The following IL36RN variants were observed in gnomAD, a reference collection of about 807,000 sequenced individuals.
IL36RN encodes interleukin-36 receptor antagonist protein.
A neutral mutation model predicts 13.0 loss-of-function variants in IL36RN; 11 were observed. The ratio of observed to expected loss-of-function variants is 0.85; its 90% CI spans 0.53 to 1.40. The LOEUF is 1.40. IL36RN is among the 40% of genes most tolerant of loss of function. IL36RN has a pLI of 0.00. For missense variants in IL36RN, 195 were observed against 195.3 expected (o/e 1.00, Z 0.01); for synonymous variants, 94 against 84.1 (o/e 1.12, Z -0.64).
rs1685668816 is a variant in IL36RN at position 113,062,696 on chromosome 2, A to T, written c.*19A>T. ...TGACTAGGGCAACGTGCCCCCCAGA[A>T]CTCCCTGGGCAGAGCCAGCTCGGGT... On this transcript the variant is annotated 3_prime_UTR_variant, in exon 5 of 5. Transcript: ENST00000393200. 6.2e-7 allele frequency: 1 copy of T among 1,601,220 alleles called. No homozygotes were observed. The highest frequency in any genetic ancestry group is 1.3e-5 in the African/African-American group (1 of 74,678).
intron 2 of IL36RN, among the ~76,000 whole-genome samples, chr2:113,060,196 G>T (rs1164191388): frequency 6.6e-6 from 1 of 152,092 alleles, no homozygotes; most frequent in Non-Finnish European, 1.5e-5. Context: ...GCCATGCATC[G>T]ACCCAATTTT....
chr2:113,059,504 G>A (rs376346773), intron 2 of IL36RN, 37 bp downstream of exon 2: 17 of 1,612,666 alleles, frequency 1.1e-5, no homozygotes, highest in African/African-American at 4.0e-5. Context: ...GGTGTCCTCC[G>A]GAGGAAGTGA....
chr2:113,062,742 C>A lies in IL36RN; in HGVS notation c.*65C>A. Reference sequence around the variant, plus strand: ...CGGGTGAGGGGTGAGTGGAGGAGACCCATGGCGGACAATCACTCTCTCTGC... The same window carrying A: ...CGGGTGAGGGGTGAGTGGAGGAGACACATGGCGGACAATCACTCTCTCTGC... On this transcript the variant is annotated 3_prime_UTR_variant, in exon 5 of 5. Transcript: ENST00000393200. 1 of 1,379,088 alleles carries A rather than the reference C, an allele frequency of 7.3e-7. No individual in the cohort carries two copies. The highest frequency in any genetic ancestry group is 1.0e-6 in the Non-Finnish European group (1 of 991,558). The allele number at this position is 1,379,088 out of a possible 1,614,324, so 85.4% of individuals were successfully genotyped here. A position where few individuals can be genotyped will look rare whatever the true frequency, so the allele number is the denominator to read the frequency against.
At position 113,062,526 on chromosome 2, in the gene IL36RN, G is replaced by C. The variant is rs144420774; in HGVS notation, c.317G>C (p.Gly106Ala). 1.2e-6 allele frequency: 2 copies of C among 1,613,988 alleles called. No individual in the cohort carries two copies. Among genetic ancestry groups the C allele is most frequent in the Non-Finnish European group, 1.7e-6 (2 of 1,180,024 alleles). Reference protein sequence around the residue: ...KSFTFYRRDMGLTSSFESAAY... With the variant: ...KSFTFYRRDMALTSSFESAAY... ...TTCACCTTCTACCGGCGGGACATGGGGCTCACCTCCAGCTTCGAGTCGGCT... is the reference window on the plus strand; with the variant it reads ...TTCACCTTCTACCGGCGGGACATGGCGCTCACCTCCAGCTTCGAGTCGGCT... The change falls in exon 5 of 5, where the codon GGG becomes GCG. Residue 106 changes from glycine (G) to alanine (A), a missense_variant. Coordinates refer to ENST00000393200, the MANE Select transcript of IL36RN (RefSeq NM_012275.3).
chr2:113,061,655 T>C (rs1316139124), intron 3 of IL36RN, among the ~76,000 whole-genome samples: 1 of 152,114 alleles, frequency 6.6e-6, no homozygotes, highest in Non-Finnish European at 1.5e-5. Flanking sequence ...TGTGTATATG[T>C]ATATGTGTGC....
Position 113,062,710 on chromosome 2 carries a change from G to A in IL36RN, c.*33G>A. 1 of 1,583,304 alleles carries A rather than the reference G, an allele frequency of 6.3e-7. No homozygotes were observed. On this transcript the variant is annotated 3_prime_UTR_variant, in exon 5 of 5. Coordinates refer to ENST00000393200, the MANE Select transcript of IL36RN (RefSeq NM_012275.3). ...TGCCCCCCAGAACTCCCTGGGCAGA[G>A]CCAGCTCGGGTGAGGGGTGAGTGGA... is the stretch of plus-strand genomic sequence containing the variant.
rs1057276511 is a variant in IL36RN at position 113,063,856 on chromosome 2, A to G, written c.*1179A>G. ...AAGGATCACAGCCCCTGGGATTCCA[A>G]GGCATTGGATCCAGTCTCTAAGAAG... On this transcript the variant is annotated 3_prime_UTR_variant, in exon 5 of 5. Transcript: ENST00000393200. 3 of 152,218 alleles carry G rather than the reference A, an allele frequency of 2.0e-5. No homozygotes were observed. Among genetic ancestry groups the G allele is most frequent in the Non-Finnish European group, 4.4e-5 (3 of 68,048 alleles). 9.4% of individuals were successfully genotyped at this position (152,218 alleles called of 1,614,324 possible).
chr2:113,062,318 C>T, intron 4 of IL36RN, 67 bp downstream of exon 4: 3 of 1,607,604 alleles, frequency 1.9e-6, no homozygotes, highest in Non-Finnish European at 2.6e-6. Context: ...GCCGGGCAGC[C>T]CACAGCCCTG....
In IL36RN at chr2:113,059,460, T is replaced by C. The variant is rs1451225576; in HGVS notation, c.22T>C (p.Cys8Arg). 1 of 1,613,902 alleles carries C rather than the reference T, an allele frequency of 6.2e-7. No individual in the cohort carries two copies. The highest frequency in any genetic ancestry group is 1.1e-5 in the South Asian group (1 of 91,058). Residue 8 changes from cysteine (C) to arginine (R), a missense_variant, in exon 2 of 5, where the codon TGC becomes CGC. Transcript: ENST00000393200. ...CAAGATGGTCCTGAGTGGGGCGCTG[T>C]GCTTCCGGTGAGTGTATGAGGCCCT... MVLSGAL[C>R]FRMKDSALKV...
rs28938772 is a variant in IL36RN at position 113,059,537 on chromosome 2, A to G, written c.29+70A>G. On this transcript the variant is annotated intron_variant, in intron 2 of 4. Coordinates refer to ENST00000393200, the MANE Select transcript of IL36RN (RefSeq NM_012275.3). ...TGAGTTCTGGATAGACCCGTTGTCC[A>G]GCTCTGAGCAGGAGGGAGGAAGGGA... The G allele has an allele frequency of 3.6e-4, 556 of 1,563,052 alleles. 1 individual carries two copies. The African/African-American group carries it at 6.8e-3, about 19-fold the overall frequency.
At chr2:113,058,919 C>T (rs1365032941), upstream of IL36RN, among the ~76,000 whole-genome samples, 1 of 152,088 alleles carries the variant, frequency 6.6e-6, no homozygotes, top group Non-Finnish European at 1.5e-5. Context: ...TTCCCTTGAG[C>T]TGCCATGGGC....
At chr2:113,061,825 G>T (rs1685646194) in intron 3 of IL36RN, among the ~76,000 whole-genome samples, 1 of 152,118 alleles carries the variant, frequency 6.6e-6, no homozygotes, top group African/African-American at 2.4e-5. Context: ...TTCAGAAAAA[G>T]GCCTGAGACC....
At position 113,064,256 on chromosome 2, in the gene IL36RN, G is replaced by C. The variant is rs1272535980; in HGVS notation, c.*1579G>C. The C allele has an allele frequency of 6.6e-6, 1 of 152,162 alleles. No homozygotes were observed. Among genetic ancestry groups the C allele is most frequent in the Non-Finnish European group, 1.5e-5 (1 of 68,024 alleles). The allele number at this position is 152,162 out of a possible 1,614,324, so 9.4% of individuals were successfully genotyped here. A position where few individuals can be genotyped will look rare whatever the true frequency, so the allele number is the denominator to read the frequency against. On this transcript the variant is annotated 3_prime_UTR_variant, in exon 5 of 5. Transcript: ENST00000393200. ...CTTAATCTCAGACTTCCAGCCTCCT[G>C]AACGAAGAAAGAATAAATTTCGGCT...
chr2:113,059,907 A>C (rs1430889831), intron 2 of IL36RN, among the ~76,000 whole-genome samples: 1 of 152,214 alleles, frequency 6.6e-6, no homozygotes, highest in Non-Finnish European at 1.5e-5. Flanking sequence ...GCATGTACCA[A>C]GCCAGACACT....
chr2:113,062,778 C>T lies in IL36RN; in HGVS notation c.*101C>T. 3 of 1,074,116 alleles carry T rather than the reference C, an allele frequency of 2.8e-6. No individual in the cohort carries two copies. Among genetic ancestry groups the T allele is most frequent in the Non-Finnish European group, 4.1e-6 (3 of 724,942 alleles). 66.5% of individuals were successfully genotyped at this position (1,074,116 alleles called of 1,614,324 possible). On this transcript the variant is annotated 3_prime_UTR_variant, in exon 5 of 5. Coordinates refer to ENST00000393200, the MANE Select transcript of IL36RN (RefSeq NM_012275.3). ...AATCACTCTCTCTGCTCTCAGGACC[C>T]CCACGTCTGACTTAGTGGGCACCTG...
chr2:113,062,720 G>A lies in IL36RN; in HGVS notation c.*43G>A, dbSNP rs778285629. ...AACTCCCTGGGCAGAGCCAGCTCGG[G>A]TGAGGGGTGAGTGGAGGAGACCCAT... On this transcript the variant is annotated 3_prime_UTR_variant, in exon 5 of 5. Coordinates refer to ENST00000393200, the MANE Select transcript of IL36RN (RefSeq NM_012275.3). 124 of 1,546,380 alleles carry A rather than the reference G, an allele frequency of 8.0e-5. No homozygotes were observed. The highest frequency in any genetic ancestry group is 1.7e-4 in the Middle Eastern group (1 of 5,940).
chr2:113,062,481 GT>G lies in IL36RN; in HGVS notation c.273del (p.Ala92ProfsTer80). The G allele has an allele frequency of 6.2e-7, 1 of 1,614,068 alleles. No individual in the cohort carries two copies. The highest frequency in any genetic ancestry group is 8.5e-7 in the Non-Finnish European group (1 of 1,180,012). On this transcript the variant is annotated frameshift_variant, in exon 5 of 5. Coordinates refer to ENST00000393200, the MANE Select transcript of IL36RN (RefSeq NM_012275.3). LOFTEE classifies it low-confidence loss of function (END_TRUNC). ...EPVNIMELYL[G>X]AKESKSFTFY... Reference sequence around the variant, plus strand: ...GTGAACATCATGGAGCTCTATCTTGGTGCCAAGGAATCCAAGAGCTTCACCT... The same window carrying G: ...GTGAACATCATGGAGCTCTATCTTGGGCCAAGGAATCCAAGAGCTTCACCT...
intron 3 of IL36RN, 98 bp downstream of exon 3, chr2:113,061,035 G>GCCTACA (rs754654142): frequency 4.4e-6 from 4 of 907,440 alleles, no homozygotes; most frequent in Non-Finnish European, 7.3e-6. Flanking sequence ...ATTAGCATAG[G>GCCTACA]CCTACAGAGC....
In IL36RN at chr2:113,062,203, C is replaced by T. The variant is rs531711978; in HGVS notation, c.195C>T (p.Ser65=). The T allele has an allele frequency of 1.9e-6, 3 of 1,614,082 alleles. No individual in the cohort carries two copies. Among genetic ancestry groups the T allele is most frequent in the East Asian group, 4.5e-5 (2 of 44,874 alleles). Residue 65 remains serine, a synonymous_variant, in exon 4 of 5, where the codon AGC becomes AGT. Coordinates refer to ENST00000393200, the MANE Select transcript of IL36RN (RefSeq NM_012275.3). ...SPVILGVQGG[S]QCLSCGVGQE... is the part of the protein sequence containing the mutation. ...TCATCCTGGGTGTCCAGGGTGGAAG[C>T]CAGTGCCTGTCATGTGGGGTGGGGC...
Sources: allele counts gnomAD v4.1 joint callset (sites outside exome capture counted in the v4.1 genomes callset), GRCh38; gene constraint gnomAD v4.1.1; transcripts MANE v1.5; gene names NCBI Gene and HGNC (gene_info 2026-07-23, HGNC 2026-07-21).